The following ZNF185 variants were observed in gnomAD, a reference collection of about 807,000 sequenced individuals.
ZNF185 encodes zinc finger protein 185.
In ZNF185, 56 loss-of-function variants were observed where a neutral mutation model predicts 58.6. That is an observed-to-expected ratio of 0.95 (90% CI 0.77 to 1.19). The LOEUF (loss-of-function observed/expected upper bound fraction) is 1.19. Among genes scored for constraint, ZNF185 ranks in the 50% most tolerant of loss-of-function variants. The probability of loss-of-function intolerance (pLI) is 0.00; values close to 1 mark genes in which losing one functional copy is unlikely to be tolerated. For missense variants in ZNF185, 627 were observed against 573.5 expected, an observed-to-expected ratio of 1.09 and a Z score of -0.95; for synonymous variants, 230 against 215.9, an observed-to-expected ratio of 1.07 and a Z score of -0.57.
chrX:152,965,362 C>T (rs1204349914), intron 18 of ZNF185, 85 bp from the exon 21 acceptor site: 18 of 925,691 alleles, frequency 1.9e-5, no homozygotes, highest in Non-Finnish European at 2.4e-5. Flanking sequence ...TGGGTCTCCC[C>T]AGCCCTGAAC....
intron 9 of ZNF185, among the ~76,000 whole-genome samples, chrX:152,921,191 G>T (rs1939641539): frequency 8.9e-6 from 1 of 112,026 alleles, no homozygotes; most frequent in African/African-American, 3.3e-5. Flanking sequence ...CAGAACGTCG[G>T]GATACTCCAG....
rs193139550 is a variant in ZNF185, at chrX:152,955,762, C to T, written c.1410-3937C>T. Among the ~76,000 whole-genome samples, 986 of 111,211 alleles carry T rather than the reference C, an allele frequency of 8.9e-3. 12 individuals are homozygous for T. The highest frequency in any genetic ancestry group is 0.03 in the African/African-American group (922 of 30,483). On this transcript the variant is annotated intron_variant, in intron 16 of 22. Coordinates refer to ENST00000449285, the Ensembl canonical transcript of ZNF185. ...ACTAAAAATACAAAAATTAGCCGGGCGCGGTGGCATGCGCCTGTAATCCCA... is the reference window on the plus strand; with the variant it reads ...ACTAAAAATACAAAAATTAGCCGGGTGCGGTGGCATGCGCCTGTAATCCCA...
intron 12 of ZNF185, among the ~76,000 whole-genome samples, chrX:152,930,382 G>A (rs1258070284): frequency 5.3e-5 from 6 of 112,289 alleles, no homozygotes. Context: ...CACGTTATAT[G>A]CAGACAGAAT....
chrX:152,958,975 C>T (rs1237220001), intron 16 of ZNF185, among the ~76,000 whole-genome samples: 3 of 112,168 alleles, frequency 2.7e-5, no homozygotes, highest in African/African-American at 9.7e-5. Context: ...CGGTGCTCGC[C>T]GGGAAATGAG....
chrX:152,940,487 T>G (rs1400746765), intron 15 of ZNF185, among the ~76,000 whole-genome samples: 1 of 110,140 alleles, frequency 9.1e-6, no homozygotes, highest in Non-Finnish European at 1.9e-5. Flanking sequence ...GATTGGCAAT[T>G]GGTTGAAAGA....
chrX:152,908,789 C>T, the ZNF185 span, among the ~76,000 whole-genome samples: 1 of 113,308 alleles, frequency 8.8e-6, no homozygotes, highest in African/African-American at 3.2e-5. Flanking sequence ...GTGGCCAGGG[C>T]CAGACACGGG....
intron 3 of ZNF185, 68 bp from the exon 5 acceptor site, chrX:152,917,063 G>C: frequency 8.4e-7 from 1 of 1,190,737 alleles, no homozygotes; most frequent in Admixed American, 2.2e-5. Context: ...TTAAGGGCAG[G>C]ATAAAGTAGG....
intron 14 of ZNF185, among the ~76,000 whole-genome samples, chrX:152,937,812 C>T (rs782499831): frequency 3.6e-5 from 4 of 112,255 alleles, no homozygotes; most frequent in Non-Finnish European, 7.5e-5. Flanking sequence ...AACCCAAAAC[C>T]AGGAGACTTC....
the ZNF185 span, among the ~76,000 whole-genome samples, chrX:152,905,725 G>A: frequency 1.2e-4 from 13 of 106,245 alleles, no homozygotes; most frequent in African/African-American, 2.8e-4. Flanking sequence ...GGGGGGGGGC[G>A]GGGTCACAGC....
exon 11 of ZNF185, chrX:152,922,782 C>G (rs1940022611): frequency 8.4e-7 from 1 of 1,196,807 alleles, no homozygotes; most frequent in African/African-American, 1.8e-5. Flanking sequence ...CCAAGTATGC[C>G]TAGCCCCGCT....
At chrX:152,914,773 C>T in exon 2 of ZNF185, 1 of 1,191,467 alleles carries the variant, frequency 8.4e-7, no homozygotes, top group Non-Finnish European at 1.1e-6. Context: ...AAAGTGCGAA[C>T]CACGCTGAAG....
At position 152,963,959 on chromosome X, in the gene ZNF185, G is replaced by A. The variant is rs1227920181; in HGVS notation, c.1718+10G>A. On this transcript the variant is annotated intron_variant, in intron 18 of 22. Coordinates refer to ENST00000449285, the Ensembl canonical transcript of ZNF185. ...ACTCCAGCTCTACCACGTAAGAAGGGCTATCTAGCAACCTGGGAGATGTTC... is the reference window on the plus strand; with the variant it reads ...ACTCCAGCTCTACCACGTAAGAAGGACTATCTAGCAACCTGGGAGATGTTC... 3.3e-6 allele frequency: 4 copies of A among 1,196,434 alleles called. No homozygotes were observed. The highest frequency in any genetic ancestry group is 4.5e-6 in the Non-Finnish European group (4 of 882,772).
chrX:152,938,139 A>G (rs1556884344), exon 15 of ZNF185: 1 of 1,184,620 alleles, frequency 8.4e-7, no homozygotes. Context: ...GCAGCCCAGG[A>G]GGATGCAAAG....
intron 16 of ZNF185, among the ~76,000 whole-genome samples, chrX:152,950,382 T>G (rs2048181814): frequency 8.9e-6 from 1 of 111,864 alleles, no homozygotes; most frequent in Non-Finnish European, 1.9e-5. Flanking sequence ...TTCCCATAAT[T>G]GAAATGATGA....
intron 7 of ZNF185, 119 bp downstream of exon 8, chrX:152,919,200 A>G: frequency 1.8e-6 from 1 of 548,129 alleles, no homozygotes; most frequent in South Asian, 2.9e-5. Flanking sequence ...GTAGGCCATC[A>G]GCGGTAGCCC....
At chrX:152,938,375 C>G (rs782256512) in intron 15 of ZNF185, among the ~76,000 whole-genome samples, 14 of 112,538 alleles carry the variant, frequency 1.2e-4, no homozygotes, top group Non-Finnish European at 2.6e-4. Flanking sequence ...GGAAATACAT[C>G]ATAGTCAGAA....
At chrX:152,966,559 T>C (rs1471777542) in intron 19 of ZNF185, among the ~76,000 whole-genome samples, 1 of 111,410 alleles carries the variant, frequency 9.0e-6, no homozygotes, top group Non-Finnish European at 1.9e-5. Flanking sequence ...TTAGGATCAC[T>C]TCGGACAAGA....
chrX:152,926,542 C>T (rs782693754), intron 11 of ZNF185, among the ~76,000 whole-genome samples: 2 of 112,919 alleles, frequency 1.8e-5, no homozygotes, highest in South Asian at 7.3e-4. Flanking sequence ...TGGCACAGGC[C>T]ACAGTTGGTC....
At chrX:152,967,862 C>T (rs1477497867) in intron 20 of ZNF185, among the ~76,000 whole-genome samples, 1 of 112,204 alleles carries the variant, frequency 8.9e-6, no homozygotes, top group Non-Finnish European at 1.9e-5. Flanking sequence ...ACTCAGGCTT[C>T]TGTGAAGAAA....
Sources: allele counts gnomAD v4.1 joint callset (sites outside exome capture counted in the v4.1 genomes callset), GRCh38; gene constraint gnomAD v4.1.1; transcripts MANE v1.5; gene names NCBI Gene and HGNC (gene_info 2026-07-23, HGNC 2026-07-21).